Variants in USP54 observed in about 807,000 individuals in gnomAD.
The protein encoded by USP54 is ubiquitin specific peptidase 54.
Under a neutral mutation model 170.5 loss-of-function variants are expected in USP54, and 87 were observed. The ratio of observed to expected loss-of-function variants is 0.51; its 90% CI spans 0.43 to 0.61. The LOEUF is 0.61. USP54 is among the 20% of genes least tolerant of loss of function. The pLI is 0.00. For synonymous variants in USP54, 655 were observed against 742.8 expected (o/e 0.88, Z 1.92); for missense variants, 1,786 against 2,047.8 (o/e 0.87, Z 2.47).
chr10:73,505,451 G>C, intron 20 of USP54, 25 bp from the exon 21 acceptor site: 1 of 1,603,050 alleles, frequency 6.2e-7, no homozygotes, highest in Non-Finnish European at 8.5e-7. Context: ...ACAAATACAA[G>C]TTGAGGCCAT....
chr10:73,536,537 T>G, intron 10 of USP54, 100 bp from the exon 11 acceptor site: 1 of 1,331,688 alleles, frequency 7.5e-7, no homozygotes. Context: ...ATAAAAGAGA[T>G]GAAAAGATAA....
chr10:73,527,689 A>G (rs2063169180), intron 15 of USP54, among the ~76,000 whole-genome samples: 1 of 151,612 alleles, frequency 6.6e-6, no homozygotes. Context: ...GTGACCCTAA[A>G]ACAAATCAAA....
intron 4 of USP54, among the ~76,000 whole-genome samples, chr10:73,563,885 A>T (rs1311478459): frequency 6.6e-6 from 1 of 151,938 alleles, no homozygotes; most frequent in East Asian, 1.9e-4. Context: ...AAAGTTTTTG[A>T]ATTTTTGTAG....
At chr10:73,606,175 CAAA>C (rs1178699732) in intron 1 of USP54, among the ~76,000 whole-genome samples, 329 of 25,508 alleles carry the variant, frequency 0.013, 1 homozygote, top group African/African-American at 0.023. Context: ...GAGGCTGTCT[CAAA>C]AAAAAAAAAA....
chr10:73,549,095 T>C (rs1345917999), intron 4 of USP54, among the ~76,000 whole-genome samples: 1 of 152,198 alleles, frequency 6.6e-6, no homozygotes, highest in African/African-American at 2.4e-5. Flanking sequence ...TTCCCCTGGT[T>C]CCAGGGCACC....
intron 20 of USP54, among the ~76,000 whole-genome samples, chr10:73,515,410 T>A (rs1190861608): frequency 6.6e-6 from 1 of 152,208 alleles, no homozygotes; most frequent in Non-Finnish European, 1.5e-5. Context: ...TGGAGTTAAG[T>A]GCATCAATGT....
At chr10:73,557,878 CTT>C (rs765656681) in intron 4 of USP54, among the ~76,000 whole-genome samples, 12 of 115,000 alleles carry the variant, frequency 1.0e-4, no homozygotes, top group Non-Finnish European at 7.2e-5. Context: ...AGCTATTATT[CTT>C]TTTTTTTTTT....
chr10:73,514,184 C>G (rs2060673474), intron 20 of USP54, among the ~76,000 whole-genome samples: 1 of 152,256 alleles, frequency 6.6e-6, no homozygotes, highest in Admixed American at 6.5e-5. Context: ...TCTCAATCTC[C>G]TGACCTCATG....
chr10:73,542,730 CAAAAA>C, intron 7 of USP54, 68 bp downstream of exon 7: 16 of 1,191,206 alleles, frequency 1.3e-5, no homozygotes, highest in South Asian at 2.8e-5. Context: ...GACTCTGTCT[CAAAAA>C]AAAAAAAAAA....
At chr10:73,578,854 C>T (rs1166228211) in intron 1 of USP54, among the ~76,000 whole-genome samples, 1 of 151,918 alleles carries the variant, frequency 6.6e-6, no homozygotes, top group Non-Finnish European at 1.5e-5. Context: ...TAATTCAATA[C>T]ATCACAGTCC....
intron 5 of USP54, among the ~76,000 whole-genome samples, chr10:73,544,981 A>G (rs1590222142): frequency 6.6e-6 from 1 of 151,986 alleles, no homozygotes; most frequent in East Asian, 1.9e-4. Flanking sequence ...CAAAGTGCTG[A>G]GATTACAGGC....
chr10:73,620,195 C>G (rs2080972876), intron 1 of USP54, among the ~76,000 whole-genome samples: 1 of 149,792 alleles, frequency 6.7e-6, no homozygotes, highest in Non-Finnish European at 1.5e-5. Context: ...CGCCTGTAGT[C>G]CCAGCTACTC....
Position 73,530,356 on chromosome 10 carries a change from G to C in USP54, c.1615C>G (p.Gln539Glu). The C allele has an allele frequency of 6.2e-7, 1 of 1,614,112 alleles. No individual in the cohort carries two copies. The highest frequency in any genetic ancestry group is 8.5e-7 in the Non-Finnish European group (1 of 1,180,024). ...GTCCTAGGAGGTTTTTTGTCAGGCT[G>C]GTCTCCTCCTCTGCCCCTGCAGTGA... ...GSHCRGRGGD[Q>E]PDKKPPRTLP... The change falls in exon 14 of 24, where the codon CAG becomes GAG. Residue 539 changes from glutamine (Q) to glutamate (E), a missense_variant. By Grantham distance (29) the Gln-to-Glu change is conservative (BLOSUM62 2). Coordinates refer to ENST00000687698, the MANE Select transcript of USP54 (RefSeq NM_001391956.1).
Position 73,620,651 on chromosome 10 carries a change from T to C in USP54, c.-18+4916A>G, listed in dbSNP as rs892970282. ...GAAGCCATTTACAAAGATATAAAAT[T>C]TGGGGGCCGGGAGTGGTGGCTCACG... is the stretch of plus-strand genomic sequence containing the variant. On this transcript the variant is annotated intron_variant, in intron 1 of 22. Coordinates refer to the USP54 transcript ENST00000339859. Among the ~76,000 whole-genome samples the C allele has an allele frequency of 4.0e-5, 6 of 149,684 alleles. 1 individual carries two copies. The highest frequency in any genetic ancestry group is 3.3e-4 in the Admixed American group (5 of 15,164).
chr10:73,573,552 T>G (rs1345838798), intron 3 of USP54, among the ~76,000 whole-genome samples: 1 of 152,030 alleles, frequency 6.6e-6, no homozygotes, highest in Admixed American at 6.6e-5. Flanking sequence ...TTACCTGAGG[T>G]GAGGGGTTCA....
rs369872016 is a variant in USP54 at position 73,585,303 on chromosome 10, G to T, written c.-582+5975C>A. 4.1e-4 allele frequency among the ~76,000 whole-genome samples: 62 copies of T among 152,274 alleles called. 1 individual carries two copies. In the South Asian group the frequency reaches 0.013, roughly 31 times the overall value. ...TAAGCCATGTTTGCACTGCTATAAAGAAATACCCAAGGCTGGGTAATTTAT... is the reference window on the plus strand; with the variant it reads ...TAAGCCATGTTTGCACTGCTATAAATAAATACCCAAGGCTGGGTAATTTAT... On this transcript the variant is annotated intron_variant, in intron 1 of 23. Coordinates refer to ENST00000687698, the MANE Select transcript of USP54 (RefSeq NM_001391956.1).
In USP54 at chr10:73,519,971, T is replaced by G; in HGVS notation, c.2504A>C (p.His835Pro). ...EAISKLRLALHGASCSTHSRA... is the reference protein window; with the variant it reads ...EAISKLRLALPGASCSTHSRA... ...GCTGTGCGTGCTACAGCTGGCACCA[T>G]GCAGGGCAAGTCTTAGTTTAGCTAA... is the stretch of plus-strand genomic sequence containing the variant. The change falls in exon 19 of 24, where the codon CAT becomes CCT. Residue 835 changes from histidine to proline, a missense_variant. Physicochemically the swap from His to Pro is moderately conservative, Grantham distance 77. Coordinates refer to ENST00000687698, the MANE Select transcript of USP54 (RefSeq NM_001391956.1). 1 of 1,610,860 alleles carries G rather than the reference T, an allele frequency of 6.2e-7. No homozygotes were observed. The highest frequency in any genetic ancestry group is 8.5e-7 in the Non-Finnish European group (1 of 1,178,458).
intron 10 of USP54, among the ~76,000 whole-genome samples, chr10:73,538,598 T>C (rs1355155779): frequency 6.6e-6 from 1 of 151,984 alleles, no homozygotes; most frequent in African/African-American, 2.4e-5. Context: ...GAGGATCACT[T>C]GAGCCCAGGA....
intron 1 of USP54, among the ~76,000 whole-genome samples, chr10:73,614,492 G>A (rs748133733): frequency 6.8e-6 from 1 of 146,904 alleles, no homozygotes; most frequent in Admixed American, 6.7e-5. Context: ...CCCCAGTGGC[G>A]GATGTTGCAG....
Sources: allele counts gnomAD v4.1 joint callset (sites outside exome capture counted in the v4.1 genomes callset), GRCh38; gene constraint gnomAD v4.1.1; transcripts MANE v1.5; gene names NCBI Gene and HGNC (gene_info 2026-07-23, HGNC 2026-07-21).